Variants in SPOCK1 observed in about 807,000 individuals in gnomAD.
SPOCK1 encodes testican-1.
SPOCK1 carries 23 observed loss-of-function variants against 55.3 expected under a neutral mutation model. The observed-to-expected ratio is 0.42, with a 90% CI of 0.30 to 0.59. The LOEUF (loss-of-function observed/expected upper bound fraction) is 0.59, where lower values mean the gene tolerates loss of function less well. Ranked by LOEUF, SPOCK1 falls within the 20% of genes least tolerant of loss-of-function variation. The pLI, the probability that SPOCK1 is intolerant of heterozygous loss-of-function variation, is 0.22. For synonymous variants in SPOCK1, 226 were observed against 221.0 expected, an observed-to-expected ratio of 1.02 and a Z score of -0.20; for missense variants, 499 against 552.5, an observed-to-expected ratio of 0.90 and a Z score of 0.97.
chr5:137,200,648 A>G (rs1222090515), intron 3 of SPOCK1, among the ~76,000 whole-genome samples: 1 of 152,126 alleles, frequency 6.6e-6, no homozygotes, highest in Non-Finnish European at 1.5e-5. Flanking sequence ...TTTCAATTTT[A>G]ATTTTTTTAT....
intron 3 of SPOCK1, among the ~76,000 whole-genome samples, chr5:137,183,876 G>T (rs1320217341): frequency 6.6e-6 from 1 of 152,200 alleles, no homozygotes; most frequent in Admixed American, 6.5e-5. Flanking sequence ...CCAGGAGGAT[G>T]ACTTGCTTAA....
intron 5 of SPOCK1, among the ~76,000 whole-genome samples, chr5:137,084,426 T>C (rs546526963): frequency 1.1e-3 from 170 of 151,780 alleles, no homozygotes; most frequent in African/African-American, 3.9e-3. Context: ...GTCTTTCTTC[T>C]CCCCTGCCAG....
chr5:137,014,065 A>G (rs1324400409), intron 6 of SPOCK1, among the ~76,000 whole-genome samples: 5 of 152,150 alleles, frequency 3.3e-5, no homozygotes, highest in Non-Finnish European at 7.4e-5. Flanking sequence ...TGTTTGGATC[A>G]TGGAGGTGGA....
At chr5:137,007,019 C>A (rs372593633) in intron 6 of SPOCK1, among the ~76,000 whole-genome samples, 30 of 151,902 alleles carry the variant, frequency 2.0e-4, no homozygotes, top group Middle Eastern at 3.4e-3. Context: ...TATGTTGAAC[C>A]ACCAAAAACA....
chr5:137,052,062 G>T (rs1474955461), intron 6 of SPOCK1, among the ~76,000 whole-genome samples: 1 of 152,164 alleles, frequency 6.6e-6, no homozygotes, highest in African/African-American at 2.4e-5. Flanking sequence ...AAAGAAAGGG[G>T]TGCCCTTCTT....
chr5:137,422,753 G>A (rs1427294814), intron 2 of SPOCK1, among the ~76,000 whole-genome samples: 1 of 152,264 alleles, frequency 6.6e-6, no homozygotes, highest in Admixed American at 6.5e-5. Context: ...GCTTGGAGTA[G>A]TTTGATCGTC....
Position 137,428,856 on chromosome 5 carries a change from C to A in SPOCK1, c.186+69517G>T, listed in dbSNP as rs535668535. On this transcript the variant is annotated intron_variant, in intron 2 of 10. Transcript: ENST00000394945. The stretch of plus-strand genomic sequence containing the variant: ...GAGTTTCTCTCAAGCCCTTCAGCTT[C>A]TCTCCATCTCCACTGCTGCCATCAT... Among the ~76,000 whole-genome samples the A allele has an allele frequency of 5.3e-5, 8 of 152,334 alleles. No individual in the cohort carries two copies. In the South Asian group the frequency reaches 1.7e-3, roughly 32 times the overall value.
chr5:137,151,565 G>A lies in SPOCK1; in HGVS notation c.233-10871C>T, dbSNP rs1399055634. On this transcript the variant is annotated intron_variant, in intron 3 of 10. Coordinates refer to ENST00000394945, the MANE Select transcript of SPOCK1 (RefSeq NM_004598.4). Reference sequence around the variant, plus strand: ...TACATAAGATGGAAAATCAATACCAGTAAATGTACACACAAAGAACTCTCA... The same window carrying A: ...TACATAAGATGGAAAATCAATACCAATAAATGTACACACAAAGAACTCTCA... 2.0e-5 allele frequency among the ~76,000 whole-genome samples: 3 copies of A among 152,186 alleles called. No homozygotes were observed. In the East Asian group the frequency reaches 5.8e-4, roughly 29 times the overall value.
intron 2 of SPOCK1, 90 bp downstream of exon 2, chr5:137,498,280 ACAC>A: frequency 8.2e-7 from 1 of 1,221,822 alleles, no homozygotes; most frequent in Non-Finnish European, 1.1e-6. Context: ...ACACACACAC[ACAC>A]ACACACACAC....
intron 2 of SPOCK1, among the ~76,000 whole-genome samples, chr5:137,350,116 C>G (rs1339292910): frequency 6.6e-6 from 1 of 152,118 alleles, no homozygotes; most frequent in Non-Finnish European, 1.5e-5. Flanking sequence ...GAAACAGATG[C>G]TTGAGAGTCA....
chr5:137,124,108 T>C (rs1311233930), intron 4 of SPOCK1, among the ~76,000 whole-genome samples: 1 of 152,032 alleles, frequency 6.6e-6, no homozygotes, highest in Non-Finnish European at 1.5e-5. Context: ...AAGCCAACTT[T>C]CCACGTACCA....
At chr5:137,356,239 C>T (rs1010417805) in intron 2 of SPOCK1, among the ~76,000 whole-genome samples, 2 of 152,130 alleles carry the variant, frequency 1.3e-5, no homozygotes, top group African/African-American at 4.8e-5. Context: ...AAGCCCACCA[C>T]CAAAAAGCCC....
intron 2 of SPOCK1, among the ~76,000 whole-genome samples, chr5:137,428,823 T>C (rs188131544): frequency 6.6e-6 from 1 of 152,354 alleles, no homozygotes; most frequent in Admixed American, 6.5e-5. Flanking sequence ...CTATCCATTC[T>C]GCCTCCTGAG....
chr5:137,498,300 A>ATT (rs1441922208), intron 2 of SPOCK1, 73 bp downstream of exon 2: 2 of 1,273,800 alleles, frequency 1.6e-6, no homozygotes, highest in Non-Finnish European at 2.1e-6. Flanking sequence ...ACACACACAC[A>ATT]CCCCAACCCC....
At chr5:137,144,788 T>C (rs1189673097) in intron 3 of SPOCK1, among the ~76,000 whole-genome samples, 2 of 152,108 alleles carry the variant, frequency 1.3e-5, no homozygotes, top group Admixed American at 6.6e-5. Flanking sequence ...TTTTAATAAG[T>C]AGGGGAAACT....
chr5:137,183,201 TA>T (rs1205265708), intron 3 of SPOCK1, among the ~76,000 whole-genome samples: 3 of 152,052 alleles, frequency 2.0e-5, no homozygotes, highest in Admixed American at 2.0e-4. Flanking sequence ...ATAAAAAGAC[TA>T]AAAAGTACTC....
intron 3 of SPOCK1, among the ~76,000 whole-genome samples, chr5:137,216,813 CG>C (rs937638653): frequency 1.3e-5 from 2 of 152,096 alleles, no homozygotes; most frequent in African/African-American, 4.8e-5. Flanking sequence ...AATCAGGGGT[CG>C]GGGGTGTGTT....
chr5:137,178,260 T>C (rs1040886718), intron 3 of SPOCK1, among the ~76,000 whole-genome samples: 2 of 152,202 alleles, frequency 1.3e-5, no homozygotes, highest in Non-Finnish European at 2.9e-5. Context: ...AATTTGTCTG[T>C]TTAGCTCTCA....
At chr5:137,267,851 C>A (rs974871582) in intron 2 of SPOCK1, among the ~76,000 whole-genome samples, 1 of 152,220 alleles carries the variant, frequency 6.6e-6, no homozygotes, top group South Asian at 2.1e-4. Flanking sequence ...CTGGCACACC[C>A]ACTGTATCAG....
Sources: gnomAD v4.1 joint callset for allele counts (sites outside exome capture counted in the v4.1 genomes callset) on GRCh38, gnomAD v4.1.1 for gene constraint, MANE v1.5 for transcripts, NCBI Gene and HGNC (gene_info 2026-07-23, HGNC 2026-07-21) for gene names.